The following LTB4R variants were observed in gnomAD, a reference collection of about 807,000 sequenced individuals.
LTB4R encodes the protein leukotriene B4 receptor.
For synonymous variants in LTB4R, 250 were observed against 230.7 expected, an observed-to-expected ratio of 1.08 and a Z score of -0.76; for missense variants, 470 against 485.6, an observed-to-expected ratio of 0.97 and a Z score of 0.30.
rs2041710148 is a variant in LTB4R, at chr14:24,311,684, C to T, written c.-136C>T. 3 of 1,609,104 alleles carry T rather than the reference C, an allele frequency of 1.9e-6. No homozygotes were observed. The highest frequency in any genetic ancestry group is 1.1e-5 in the South Asian group (1 of 90,982). On this transcript the variant is annotated 5_prime_UTR_variant, in exon 1 of 2. Coordinates refer to ENST00000345363, the MANE Select transcript of LTB4R (RefSeq NM_001143919.3). ...AGCTGAAAGTGGTGGGGCAGGGCCG[C>T]GGCAATGGAGACCCGGGGGGTGGGA... is the stretch of plus-strand genomic sequence containing the variant.
Position 24,311,630 on chromosome 14 carries a change from A to C in LTB4R, c.-190A>C, listed in dbSNP as rs1252415550. ...CCCGAGGGGGCGGCCGCTCTAGGGA[A>C]GGGACCATGGAGCTCCGAACTACCC... On this transcript the variant is annotated 5_prime_UTR_variant, in exon 1 of 2. Transcript: ENST00000345363. 1 of 1,613,464 alleles carries C rather than the reference A, an allele frequency of 6.2e-7. No individual in the cohort carries two copies. Among genetic ancestry groups the C allele is most frequent in the East Asian group, 2.2e-5 (1 of 44,878 alleles).
In LTB4R at chr14:24,315,791, T is replaced by C; in HGVS notation, c.140T>C (p.Met47Thr). ...GTGGTGTGGAGTATCCTGAAAAGGA[T>C]GCAGAAGCGCTCTGTCACTGCCCTG... ...SFVVWSILKR[M>T]QKRSVTALMV... is the part of the protein sequence containing the mutation. Residue 47 changes from methionine to threonine, a missense_variant, in exon 2 of 2, where the codon ATG becomes ACG. Physicochemically the swap from Met to Thr is moderately conservative, Grantham distance 81. Coordinates refer to ENST00000345363, the MANE Select transcript of LTB4R (RefSeq NM_001143919.3). 1.2e-6 allele frequency: 2 copies of C among 1,614,262 alleles called. No individual in the cohort carries two copies. Among genetic ancestry groups the C allele is most frequent in the Non-Finnish European group, 1.7e-6 (2 of 1,180,050 alleles).
chr14:24,315,771 GTGGAGTATCC>G lies in LTB4R; in HGVS notation c.123_132del (p.Trp41Ter). ...GGCTTCCCGGCAACAGCTTTGTGGT[GTGGAGTATCC>G]TGAAAAGGATGCAGAAGCGCTCTGT... On this transcript the variant is annotated frameshift_variant, in exon 2 of 2. Transcript: ENST00000345363. LOFTEE classifies it low-confidence loss of function (END_TRUNC). 6.2e-7 allele frequency: 1 copy of G among 1,614,240 alleles called. No homozygotes were observed.
chr14:24,313,381 C>A (rs2041740860), intron 1 of LTB4R: 1 of 152,106 alleles, frequency 6.6e-6, no homozygotes, highest in Non-Finnish European at 1.5e-5. Flanking sequence ...GCTGCGGTTT[C>A]TGCCCATTTT....
In LTB4R at chr14:24,316,444, C is replaced by G. The variant is rs765563648; in HGVS notation, c.793C>G (p.Leu265Val). ...GLGLVGKRLS[L>V]ARNVLIALAF... Reference sequence around the variant, plus strand: ...AGGGCTCGTGGGGAAGCGGCTGAGCCTGGCCCGCAACGTGCTCATCGCACT... The same window carrying G: ...AGGGCTCGTGGGGAAGCGGCTGAGCGTGGCCCGCAACGTGCTCATCGCACT... The change falls in exon 2 of 2, where the codon CTG (leucine) becomes GTG (valine). Residue 265 changes from leucine to valine, a missense_variant. Leu to Val is a conservative substitution (Grantham distance 32). Transcript: ENST00000345363. 4 of 1,571,596 alleles carry G rather than the reference C, an allele frequency of 2.5e-6. No individual in the cohort carries two copies. The highest frequency in any genetic ancestry group is 3.4e-6 in the Non-Finnish European group (4 of 1,161,510).
At chr14:24,312,963 T>C (rs1301196220) in intron 1 of LTB4R, among the ~76,000 whole-genome samples, 1 of 152,182 alleles carries the variant, frequency 6.6e-6, no homozygotes, top group Non-Finnish European at 1.5e-5. Context: ...GGCTCTACTT[T>C]AGCGACTGCT....
chr14:24,315,561 C>T, intron 1 of LTB4R, 76 bp from the exon 2 acceptor site: 1 of 902,634 alleles, frequency 1.1e-6, no homozygotes, highest in Admixed American at 2.2e-5. Flanking sequence ...CTAGAGTTCT[C>T]AGCCTAGGTG....
chr14:24,315,833 C>G lies in LTB4R; in HGVS notation c.182C>G (p.Ala61Gly). ...ACTGCCCTGATGGTGCTGAACCTGG[C>G]CCTGGCCGACCTGGCCGTATTGCTC... The part of the protein sequence containing the change: ...SVTALMVLNL[A>G]LADLAVLLTA... The change falls in exon 2 of 2, where the codon GCC becomes GGC. Residue 61 changes from alanine to glycine, a missense_variant. Transcript: ENST00000345363. The G allele has an allele frequency of 6.2e-7, 1 of 1,614,262 alleles. No individual in the cohort carries two copies. Among genetic ancestry groups the G allele is most frequent in the Non-Finnish European group, 8.5e-7 (1 of 1,180,040 alleles).
Position 24,315,815 on chromosome 14 carries a change from T to G in LTB4R, c.164T>G (p.Leu55Arg), listed in dbSNP as rs1416258858. Reference protein sequence around the residue: ...KRMQKRSVTALMVLNLALADL... With the variant: ...KRMQKRSVTARMVLNLALADL... ...ATGCAGAAGCGCTCTGTCACTGCCCTGATGGTGCTGAACCTGGCCCTGGCC... is the reference window on the plus strand; with the variant it reads ...ATGCAGAAGCGCTCTGTCACTGCCCGGATGGTGCTGAACCTGGCCCTGGCC... Residue 55 changes from leucine (L) to arginine (R), a missense_variant, in exon 2 of 2, where the codon CTG (leucine) becomes CGG (arginine). Transcript: ENST00000345363. 1 of 1,614,266 alleles carries G rather than the reference T, an allele frequency of 6.2e-7. No individual in the cohort carries two copies. Among genetic ancestry groups the G allele is most frequent in the Non-Finnish European group, 8.5e-7 (1 of 1,180,048 alleles).
At chr14:24,312,184 G>A (rs1286964369) in intron 1 of LTB4R, 1 of 161,422 alleles carries the variant, frequency 6.2e-6, no homozygotes, top group African/African-American at 2.4e-5. Context: ...CAGGTGCCCT[G>A]GTTCCACAGG....
In LTB4R at chr14:24,311,682, C is replaced by T. The variant is rs747402319; in HGVS notation, c.-138C>T. ...TCAGCTGAAAGTGGTGGGGCAGGGC[C>T]GCGGCAATGGAGACCCGGGGGGTGG... On this transcript the variant is annotated 5_prime_UTR_variant, in exon 1 of 2. Coordinates refer to ENST00000345363, the MANE Select transcript of LTB4R (RefSeq NM_001143919.3). 5 of 1,610,080 alleles carry T rather than the reference C, an allele frequency of 3.1e-6. No individual in the cohort carries two copies. The highest frequency in any genetic ancestry group is 2.2e-5 in the East Asian group (1 of 44,798).
rs202233555 is a variant in LTB4R at position 24,316,429 on chromosome 14, G to C, written c.778G>C (p.Gly260Arg). ...AGQAAGLGLV[G>R]KRLSLARNVL... ...CCAGGCCGCCGGGTTAGGGCTCGTG[G>C]GGAAGCGGCTGAGCCTGGCCCGCAA... The change falls in exon 2 of 2, where the codon GGG becomes CGG. Residue 260 changes from glycine (G) to arginine (R), a missense_variant. Coordinates refer to ENST00000345363, the MANE Select transcript of LTB4R (RefSeq NM_001143919.3). 4.7e-4 allele frequency: 736 copies of C among 1,574,796 alleles called. 1 individual carries two copies. The African/African-American group carries it at 9.1e-3, about 19-fold the overall frequency.
Position 24,316,676 on chromosome 14 carries a change from C to G in LTB4R, c.1025C>G (p.Ala342Gly). 1 of 1,540,022 alleles carries G rather than the reference C, an allele frequency of 6.5e-7. No homozygotes were observed. The highest frequency in any genetic ancestry group is 8.7e-7 in the Non-Finnish European group (1 of 1,143,940). Residue 342 changes from alanine to glycine, a missense_variant, in exon 2 of 2, where the codon GCC becomes GGC. Ala to Gly is a moderately conservative substitution (Grantham distance 60). Coordinates refer to ENST00000345363, the MANE Select transcript of LTB4R (RefSeq NM_001143919.3). ...CCCGGCCCTTCCGAGAGCCTCACTG[C>G]CTCCAGCCCTCTCAAGTTAAACGAA... ...LEPGPSESLT[A>G]SSPLKLNELN is the part of the protein sequence containing the mutation.
chr14:24,316,663 G>C lies in LTB4R; in HGVS notation c.1012G>C (p.Glu338Gln). ...GPAALEPGPS[E>Q]SLTASSPLKL... ...CGCCGCTCTGGAGCCCGGCCCTTCC[G>C]AGAGCCTCACTGCCTCCAGCCCTCT... The change falls in exon 2 of 2, where the codon GAG becomes CAG. Residue 338 changes from glutamate to glutamine, a missense_variant. By Grantham distance (29) the Glu-to-Gln change is conservative. Transcript: ENST00000345363. 6 of 1,541,332 alleles carry C rather than the reference G, an allele frequency of 3.9e-6. No homozygotes were observed. Among genetic ancestry groups the C allele is most frequent in the Non-Finnish European group, 5.2e-6 (6 of 1,144,740 alleles).
intron 1 of LTB4R, chr14:24,313,752 T>A (rs2224123): frequency 0.81 from 122,542 of 152,022 alleles, 49,717 homozygotes; most frequent in East Asian, 1. Flanking sequence ...CACCCAGCTA[T>A]CTTTTGTATT....
chr14:24,314,209 G>A (rs2041750164), intron 1 of LTB4R: 1 of 152,256 alleles, frequency 6.6e-6, no homozygotes, highest in Admixed American at 6.5e-5. Flanking sequence ...GGTGCTTGGG[G>A]AAAGGGGAAG....
rs765063018 is a variant in LTB4R at position 24,315,676 on chromosome 14, C to G, written c.25C>G (p.Pro9Ala). 6.2e-7 allele frequency: 1 copy of G among 1,613,462 alleles called. No individual in the cohort carries two copies. The highest frequency in any genetic ancestry group is 1.3e-5 in the African/African-American group (1 of 75,048). Residue 9 changes from proline (P) to alanine (A), a missense_variant, in exon 2 of 2, where the codon CCC becomes GCC. Physicochemically the swap from Pro to Ala is conservative, Grantham distance 27 (BLOSUM62 -1). Transcript: ENST00000345363. Reference protein sequence around the residue: MNTTSSAAPPSLGVEFISL... With the variant: MNTTSSAAAPSLGVEFISL... ...CATGAACACTACATCTTCTGCAGCA[C>G]CCCCCTCACTAGGTGTAGAGTTCAT... is the stretch of plus-strand genomic sequence containing the variant.
At position 24,316,403 on chromosome 14, in the gene LTB4R, G is replaced by T; in HGVS notation, c.752G>T (p.Gly251Val). Residue 251 changes from glycine to valine, a missense_variant, in exon 2 of 2, where the codon GGC becomes GTC. Coordinates refer to ENST00000345363, the MANE Select transcript of LTB4R (RefSeq NM_001143919.3). ...GCTGAGGCGGGCCGCGCGCTGGCCG[G>T]CCAGGCCGCCGGGTTAGGGCTCGTG... is the stretch of plus-strand genomic sequence containing the variant. ...NLAEAGRALA[G>V]QAAGLGLVGK... is the part of the protein sequence containing the mutation. The T allele has an allele frequency of 6.3e-7, 1 of 1,579,806 alleles. No homozygotes were observed. Among genetic ancestry groups the T allele is most frequent in the Admixed American group, 1.8e-5 (1 of 54,982 alleles).
Position 24,311,610 on chromosome 14 carries a change from G to T in LTB4R, c.-210G>T, listed in dbSNP as rs751833823. On this transcript the variant is annotated 5_prime_UTR_variant, in exon 1 of 2. In the 5' UTR this introduces an upstream ATG that the reference lacks. Coordinates refer to ENST00000345363, the MANE Select transcript of LTB4R (RefSeq NM_001143919.3). Reference sequence around the variant, plus strand: ...CTTCGAAGGCTCTGGGGAGGCCCGAGGGGGCGGCCGCTCTAGGGAAGGGAC... The same window carrying T: ...CTTCGAAGGCTCTGGGGAGGCCCGATGGGGCGGCCGCTCTAGGGAAGGGAC... The T allele has an allele frequency of 7.4e-6, 12 of 1,612,782 alleles. No individual in the cohort carries two copies. Among genetic ancestry groups the T allele is most frequent in the Middle Eastern group, 1.6e-4 (1 of 6,062 alleles).
Sources: allele counts gnomAD v4.1 joint callset (sites outside exome capture counted in the v4.1 genomes callset), GRCh38; gene constraint gnomAD v4.1.1; transcripts MANE v1.5; gene names NCBI Gene and HGNC (gene_info 2026-07-23, HGNC 2026-07-21).